The following USH2A variants were observed in gnomAD, a reference collection of about 807,000 sequenced individuals.
The protein encoded by USH2A is Usher syndrome 2A (autosomal recessive, mild).
Under a neutral mutation model 538.9 loss-of-function variants are expected in USH2A, and 443 were observed. The observed-to-expected ratio is 0.82, with a 90% CI of 0.76 to 0.89. The LOEUF (loss-of-function observed/expected upper bound fraction) is 0.89, where lower values mean the gene tolerates loss of function less well. USH2A is among the 40% of genes least tolerant of loss of function. The probability of loss-of-function intolerance (pLI) is 0.00; values close to 1 mark genes in which losing one functional copy is unlikely to be tolerated. For synonymous variants in USH2A, 2,413 were observed against 2,273.5 expected (o/e 1.06, Z -1.75); for missense variants, 6,633 against 6,324.8 (o/e 1.05, Z -1.65).
At chr1:216,087,064 A>G (rs2102563504) in intron 23 of USH2A, 1 of 465,868 alleles carries the variant, frequency 2.1e-6, no homozygotes, top group African/African-American at 2.0e-5. Flanking sequence ...GCACCCCCTA[A>G]GTACTCTAGA....
chr1:216,415,704 T>C (rs1017865312), intron 3 of USH2A, among the ~76,000 whole-genome samples: 1 of 151,858 alleles, frequency 6.6e-6, no homozygotes, highest in African/African-American at 2.4e-5. Context: ...TAGGGTGTTT[T>C]TTCGTAGAGA....
At chr1:216,412,769 A>C (rs1414872862) in intron 3 of USH2A, among the ~76,000 whole-genome samples, 1 of 151,540 alleles carries the variant, frequency 6.6e-6, no homozygotes, top group Non-Finnish European at 1.5e-5. Context: ...TCAGTGACCC[A>C]TGTTCATGGC....
chr1:215,948,116 A>G (rs191613062), intron 37 of USH2A, among the ~76,000 whole-genome samples: 4,875 of 152,136 alleles, frequency 0.032, 121 homozygotes, highest in South Asian at 0.084. Context: ...CTTGTATAAC[A>G]ATCTCAAGAT....
intron 49 of USH2A, among the ~76,000 whole-genome samples, chr1:215,805,986 A>G (rs76720974): frequency 9.8e-4 from 128 of 131,150 alleles, no homozygotes; most frequent in African/African-American, 3.7e-3. Context: ...GACACAATCA[A>G]AAAAAAAAAA....
chr1:215,669,503 T>C (rs1657743362), intron 64 of USH2A, among the ~76,000 whole-genome samples: 1 of 152,234 alleles, frequency 6.6e-6, no homozygotes, highest in African/African-American at 2.4e-5. Context: ...CTGTATATTT[T>C]GTAATATCCA....
intron 13 of USH2A, among the ~76,000 whole-genome samples, chr1:216,240,342 T>G (rs1261431242): frequency 6.6e-6 from 1 of 152,184 alleles, no homozygotes; most frequent in East Asian, 1.9e-4. Context: ...TGCTTGTGAT[T>G]GTTGATTTTA....
At chr1:215,790,619 AG>A (rs1661955370) in intron 50 of USH2A, among the ~76,000 whole-genome samples, 1 of 152,172 alleles carries the variant, frequency 6.6e-6, no homozygotes, top group South Asian at 2.1e-4. Flanking sequence ...TTGCAGAAGA[AG>A]GTTAGTTAAA....
chr1:215,744,456 G>A (rs1660405674), intron 58 of USH2A, among the ~76,000 whole-genome samples: 1 of 152,142 alleles, frequency 6.6e-6, no homozygotes, highest in Non-Finnish European at 1.5e-5. Flanking sequence ...AGAATATAAT[G>A]GCATTTTCTA....
Position 215,786,553 on chromosome 1 carries a change from T to C in USH2A, c.10387+117A>G. ...GTAACTAGCTGGCCTCAAAGTATGA[T>C]GGAATGTACTGATATCAGTTTAAGG... On this transcript the variant is annotated intron_variant, in intron 52 of 71. Transcript: ENST00000307340. 3.5e-6 allele frequency: 4 copies of C among 1,130,438 alleles called. No individual in the cohort carries two copies. The South Asian group carries it at 5.1e-5, about 14-fold the overall frequency. The allele number at this position is 1,130,438 out of a possible 1,614,324, so 70.0% of individuals were successfully genotyped here.
At chr1:216,024,633 C>T (rs776689116) in intron 32 of USH2A, among the ~76,000 whole-genome samples, 2 of 151,936 alleles carry the variant, frequency 1.3e-5, no homozygotes, top group Non-Finnish European at 2.9e-5. Flanking sequence ...TTTGACTTAG[C>T]ACATTGAGGA....
chr1:215,673,486 G>T (rs993327872), intron 63 of USH2A, among the ~76,000 whole-genome samples: 9 of 152,182 alleles, frequency 5.9e-5, no homozygotes, highest in Non-Finnish European at 8.8e-5. Context: ...AGATTCTTTT[G>T]TGTGGAGAAC....
At chr1:216,331,616 A>G (rs771468543) in intron 4 of USH2A, among the ~76,000 whole-genome samples, 1 of 152,164 alleles carries the variant, frequency 6.6e-6, no homozygotes, top group Non-Finnish European at 1.5e-5. Flanking sequence ...CCATGACTGT[A>G]CATAAAAGCT....
At chr1:216,110,086 T>C (rs1195963170) in intron 21 of USH2A, among the ~76,000 whole-genome samples, 1 of 152,190 alleles carries the variant, frequency 6.6e-6, no homozygotes, top group Non-Finnish European at 1.5e-5. Context: ...TAGCTTTCAA[T>C]AACAAGGTTA....
At position 216,078,427 on chromosome 1, in the gene USH2A, G is replaced by A. The variant is rs919510695; in HGVS notation, c.5299-65C>T. ...GGCTGCAGAAGGGCAGTTTGGGAGA[G>A]AGCAGAAAGTCAATTTCTTGAAGAA... is the stretch of plus-strand genomic sequence containing the variant. On this transcript the variant is annotated intron_variant, in intron 26 of 71. Coordinates refer to ENST00000307340, the MANE Select transcript of USH2A (RefSeq NM_206933.4). 11 of 1,483,086 alleles carry A rather than the reference G, an allele frequency of 7.4e-6. No individual in the cohort carries two copies. In the African/African-American group the frequency reaches 8.4e-5, roughly 11 times the overall value. The allele number at this position is 1,483,086 out of a possible 1,614,324, so 91.9% of individuals were successfully genotyped here. A position where few individuals can be genotyped will look rare whatever the true frequency, so the allele number is the denominator to read the frequency against.
rs754260240 is a variant in USH2A, at chr1:215,782,212, A to G, written c.10586-16T>C. 18 of 1,613,040 alleles carry G rather than the reference A, an allele frequency of 1.1e-5. No individual in the cohort carries two copies. In the South Asian group the frequency reaches 1.9e-4, roughly 17 times the overall value. Reference sequence around the variant, plus strand: ...ATAATAGGACCTAAAAGAAGCAGAAAAATGACTGCATTTGAATGTGATATC... The same window carrying G: ...ATAATAGGACCTAAAAGAAGCAGAAGAATGACTGCATTTGAATGTGATATC... On this transcript the variant is annotated splice_polypyrimidine_tract_variant and intron_variant, in intron 53 of 71. Coordinates refer to ENST00000307340, the MANE Select transcript of USH2A (RefSeq NM_206933.4).
At chr1:216,387,707 G>A (rs1451265626) in intron 3 of USH2A, among the ~76,000 whole-genome samples, 1 of 152,086 alleles carries the variant, frequency 6.6e-6, no homozygotes, top group African/African-American at 2.4e-5. Context: ...ATCCTCAAAC[G>A]TTAAAATCTA....
intron 64 of USH2A, among the ~76,000 whole-genome samples, chr1:215,669,238 T>A (rs557557067): frequency 6.6e-6 from 1 of 152,310 alleles, no homozygotes; most frequent in South Asian, 2.1e-4. Flanking sequence ...GGTACCATTT[T>A]TATTTGTAAG....
chr1:216,319,828 A>G (rs2037573083), intron 9 of USH2A, among the ~76,000 whole-genome samples: 1 of 152,184 alleles, frequency 6.6e-6, no homozygotes. Flanking sequence ...CAGAAATGGA[A>G]TTTGCCAAAA....
At chr1:216,340,536 CAAAA>C (rs58985032) in intron 4 of USH2A, among the ~76,000 whole-genome samples, 1 of 119,900 alleles carries the variant, frequency 8.3e-6, no homozygotes, top group South Asian at 2.7e-4. Context: ...AGAGACATGA[CAAAA>C]AAAAAAAAAA....
Sources: gnomAD v4.1 joint callset for allele counts (sites outside exome capture counted in the v4.1 genomes callset) on GRCh38, gnomAD v4.1.1 for gene constraint, MANE v1.5 for transcripts, NCBI Gene and HGNC (gene_info 2026-07-23, HGNC 2026-07-21) for gene names.